SHTN1: variants seen among roughly 807,000 people sequenced by gnomAD.
SHTN1 encodes shootin-1.
A neutral mutation model predicts 83.1 loss-of-function variants in SHTN1; 42 were observed. The ratio of observed to expected loss-of-function variants is 0.51; its 90% CI spans 0.39 to 0.65. The LOEUF (loss-of-function observed/expected upper bound fraction) is 0.65, where lower values mean the gene tolerates loss of function less well. Ranked by LOEUF, SHTN1 falls within the 30% of genes least tolerant of loss-of-function variation. The probability of loss-of-function intolerance (pLI) is 0.00; values close to 1 mark genes in which losing one functional copy is unlikely to be tolerated. For missense variants in SHTN1, 622 were observed against 737.8 expected, an observed-to-expected ratio of 0.84 and a Z score of 1.82; for synonymous variants, 224 against 247.7, an observed-to-expected ratio of 0.90 and a Z score of 0.90.
In SHTN1 at chr10:116,906,651, C is replaced by T; in HGVS notation, c.1456G>A (p.Val486Met). The change falls in exon 15 of 17, where the codon GTG becomes ATG. Residue 486 changes from valine to methionine, a missense_variant. Val to Met is a conservative substitution (Grantham distance 21). Around this residue, in one of 3 missense-constraint regions of SHTN1, gnomAD observed 231 missense variants for 251.6 expected, o/e 0.92. Transcript: ENST00000355371. Reference protein sequence around the residue: ...ELERILRRRKVTAEADSSSPT... With the variant: ...ELERILRRRKMTAEADSSSPT... ...CTACTGCTATCTGCTTCTGCTGTCA[C>T]CTTTCTGCGACGCAAAATCCTTTCT... is the stretch of plus-strand genomic sequence containing the variant. The T allele has an allele frequency of 6.2e-7, 1 of 1,613,328 alleles. No individual in the cohort carries two copies. The highest frequency in any genetic ancestry group is 1.3e-5 in the African/African-American group (1 of 75,038).
intron 2 of SHTN1, among the ~76,000 whole-genome samples, chr10:117,046,714 T>C (rs1415223977): frequency 6.6e-6 from 1 of 152,172 alleles, no homozygotes. Context: ...ACATGCTACA[T>C]CATCCAACCT....
intron 2 of SHTN1, among the ~76,000 whole-genome samples, chr10:117,039,571 T>A (rs1852552421): frequency 6.6e-6 from 1 of 152,044 alleles, no homozygotes. Context: ...ATGGGGAATC[T>A]CGGCCGGGCG....
intron 1 of SHTN1, among the ~76,000 whole-genome samples, chr10:116,989,634 T>C (rs1192486498): frequency 6.6e-6 from 1 of 152,164 alleles, no homozygotes. Flanking sequence ...CAAGCAGACT[T>C]TGGCCCATTA....
intron 16 of SHTN1, among the ~76,000 whole-genome samples, chr10:116,893,732 C>A (rs1464864178): frequency 6.6e-6 from 1 of 152,094 alleles, no homozygotes; most frequent in Non-Finnish European, 1.5e-5. Flanking sequence ...AACATGACCC[C>A]AAACCTCTCT....
intron 3 of SHTN1, among the ~76,000 whole-genome samples, chr10:116,963,106 C>G (rs1850252958): frequency 9.9e-6 from 1 of 100,940 alleles, no homozygotes; most frequent in East Asian, 3.3e-4. Context: ...GAGTCTCGCT[C>G]TGTGGCCCAG....
intron 2 of SHTN1, among the ~76,000 whole-genome samples, chr10:116,970,128 G>A (rs1850556918): frequency 6.6e-6 from 1 of 152,028 alleles, no homozygotes; most frequent in South Asian, 2.1e-4. Context: ...CTATCGGACT[G>A]GCAAAAACTG....
chr10:117,048,094 G>T (rs1852693005), intron 2 of SHTN1, among the ~76,000 whole-genome samples: 1 of 152,050 alleles, frequency 6.6e-6, no homozygotes, highest in Non-Finnish European at 1.5e-5. Flanking sequence ...TGAAAAGAGG[G>T]ATCCATAAGT....
chr10:117,117,522 C>T (rs1853865623), intron 1 of SHTN1, among the ~76,000 whole-genome samples: 1 of 152,098 alleles, frequency 6.6e-6, no homozygotes, highest in Non-Finnish European at 1.5e-5. Context: ...ACATTCTTCA[C>T]AGACATAGAA....
intron 12 of SHTN1, among the ~76,000 whole-genome samples, chr10:116,919,297 T>C (rs930387355): frequency 2.0e-5 from 3 of 152,088 alleles, no homozygotes; most frequent in Non-Finnish European, 4.4e-5. Flanking sequence ...AGAAGGAGGG[T>C]AGTGCTTCAG....
chr10:116,881,490 T>C lies in SHTN1; in HGVS notation c.*4854A>G, dbSNP rs1176217290. ...AAACTGGCACCATTGGATTAGACAG[T>C]AAACTTTATTGTTACTTTAAATAGG... On this transcript the variant is annotated 3_prime_UTR_variant, in exon 17 of 17. Transcript: ENST00000355371. 10 of 1,512,788 alleles carry C rather than the reference T, an allele frequency of 6.6e-6. No individual in the cohort carries two copies. Among genetic ancestry groups the C allele is most frequent in the Non-Finnish European group, 7.1e-6 (8 of 1,127,302 alleles). The allele number at this position is 1,512,788 out of a possible 1,614,324, so 93.7% of individuals were successfully genotyped here.
intron 1 of SHTN1, among the ~76,000 whole-genome samples, chr10:116,989,370 A>T (rs1851336893): frequency 6.6e-6 from 1 of 152,178 alleles, no homozygotes; most frequent in Non-Finnish European, 1.5e-5. Context: ...TAGCTATTAT[A>T]TATCCTGCAA....
intron 2 of SHTN1, chr10:116,974,091 A>G: frequency 1.9e-6 from 2 of 1,073,716 alleles, no homozygotes; most frequent in Non-Finnish European, 2.3e-6. Flanking sequence ...TTTCCCTCCA[A>G]TTTTCACAGG....
intron 9 of SHTN1, among the ~76,000 whole-genome samples, chr10:116,939,437 G>A (rs540214605): frequency 1.7e-4 from 26 of 152,280 alleles, no homozygotes; most frequent in African/African-American, 5.3e-4. Flanking sequence ...CCAATCCCCT[G>A]CACTTCCCGG....
At chr10:117,050,698 A>G (rs886795730) in intron 1 of SHTN1, among the ~76,000 whole-genome samples, 3 of 136,722 alleles carry the variant, frequency 2.2e-5, no homozygotes, top group African/African-American at 3.2e-5. Flanking sequence ...TAGAATGACT[A>G]AAAAAAAAAA....
intron 1 of SHTN1, among the ~76,000 whole-genome samples, chr10:116,996,667 G>A (rs1851637871): frequency 6.6e-6 from 1 of 151,962 alleles, no homozygotes; most frequent in Admixed American, 6.6e-5. Context: ...CTCTTATTAA[G>A]TATTTGTATG....
At chr10:116,920,421 C>A (rs1283795972) in intron 12 of SHTN1, among the ~76,000 whole-genome samples, 2 of 152,156 alleles carry the variant, frequency 1.3e-5, no homozygotes, top group Admixed American at 6.6e-5. Context: ...ATATCTCGAT[C>A]TCCAATGAAC....
At chr10:117,059,382 A>G (rs1852869170) in intron 1 of SHTN1, among the ~76,000 whole-genome samples, 1 of 152,240 alleles carries the variant, frequency 6.6e-6, no homozygotes, top group Non-Finnish European at 1.5e-5. Flanking sequence ...AGAAATGAAT[A>G]CTTATGAATA....
chr10:116,977,538 G>C (rs1482922714), intron 2 of SHTN1, among the ~76,000 whole-genome samples: 1 of 152,054 alleles, frequency 6.6e-6, no homozygotes, highest in Admixed American at 6.6e-5. Context: ...GGGGCATCAG[G>C]GGCCCAGGAT....
chr10:116,916,373 A>G (rs1020053541), intron 12 of SHTN1, among the ~76,000 whole-genome samples: 2 of 152,186 alleles, frequency 1.3e-5, no homozygotes, highest in Non-Finnish European at 2.9e-5. Context: ...GTTTACTTCC[A>G]TCTAGCTCAT....
Sources: gnomAD v4.1 joint callset for allele counts (sites outside exome capture counted in the v4.1 genomes callset) on GRCh38, gnomAD v4.1.1 for gene constraint, gnomAD v4.1.1 regional missense constraint, MANE v1.5 for transcripts, NCBI Gene and HGNC (gene_info 2026-07-23, HGNC 2026-07-21) for gene names.